KRT28: variants seen among roughly 807,000 people sequenced by gnomAD.
KRT28 encodes the protein keratin 28.
Under a neutral mutation model 48.1 loss-of-function variants are expected in KRT28, and 45 were observed. The observed-to-expected ratio is 0.94, with a 90% CI of 0.74 to 1.20. The LOEUF is 1.20. Ranked by LOEUF, KRT28 falls within the 50% of genes most tolerant of loss-of-function variation. The pLI, the probability that KRT28 is intolerant of heterozygous loss-of-function variation, is 0.00. For missense variants in KRT28, 571 were observed against 574.1 expected (o/e 0.99, Z 0.06); for synonymous variants, 228 against 227.4 (o/e 1.00, Z -0.03).
rs760904175 is a variant in KRT28, at chr17:40,799,625, A to T, written c.269T>A (p.Met90Lys). The change falls in exon 1 of 8, where the codon ATG becomes AAG. Residue 90 changes from methionine to lysine, a missense_variant. Physicochemically the swap from Met to Lys is moderately conservative, Grantham distance 95 (BLOSUM62 -1). Coordinates refer to ENST00000306658, the MANE Select transcript of KRT28 (RefSeq NM_181535.3). Reference protein sequence around the residue: ...GLLSGNEKVTMQNLNDRLASY... With the variant: ...GLLSGNEKVTKQNLNDRLASY... Reference sequence around the variant, plus strand: ...TGCCAAGCGGTCATTAAGATTTTGCATGGTCACCTTCTCATTTCCAGAGAG... The same window carrying T: ...TGCCAAGCGGTCATTAAGATTTTGCTTGGTCACCTTCTCATTTCCAGAGAG... 1 of 1,614,050 alleles carries T rather than the reference A, an allele frequency of 6.2e-7. No individual in the cohort carries two copies. Among genetic ancestry groups the T allele is most frequent in the Non-Finnish European group, 8.5e-7 (1 of 1,180,032 alleles).
chr17:40,798,251 T>C lies in KRT28; in HGVS notation c.674A>G (p.Lys225Arg). 1 of 1,605,598 alleles carries C rather than the reference T, an allele frequency of 6.2e-7. No homozygotes were observed. Among genetic ancestry groups the C allele is most frequent in the Non-Finnish European group, 8.5e-7 (1 of 1,172,728 alleles). ...ESLSEEMTYL[K>R]KNHEEEMKAL... is the part of the protein sequence containing the mutation. ...TTCTCCTACCTCTTCGTGGTTCTTT[T>C]TGAGATATGTCATCTCCTCACTCAG... The change falls in exon 3 of 8, where the codon AAA becomes AGA. Residue 225 changes from lysine (K) to arginine (R), a missense_variant. Coordinates refer to ENST00000306658, the MANE Select transcript of KRT28 (RefSeq NM_181535.3).
intron 3 of KRT28, among the ~76,000 whole-genome samples, 160 bp from the exon 4 acceptor site, chr17:40,797,441 A>G (rs1426978255): frequency 1.3e-5 from 2 of 152,166 alleles, no homozygotes; most frequent in Non-Finnish European, 2.9e-5. Flanking sequence ...ATTCATGCCA[A>G]TCATCTATTT....
In KRT28 at chr17:40,798,260, G is replaced by A. The variant is rs190604020; in HGVS notation, c.665C>T (p.Thr222Ile). The A allele has an allele frequency of 1.1e-5, 18 of 1,609,604 alleles. No homozygotes were observed. In the African/African-American group the frequency reaches 1.6e-4, roughly 14 times the overall value. Residue 222 changes from threonine to isoleucine, a missense_variant, in exon 3 of 8, where the codon ACA (threonine) becomes ATA (isoleucine). Transcript: ENST00000306658. ...LQYESLSEEM[T>I]YLKKNHEEEM... ...CTCTTCGTGGTTCTTTTTGAGATAT[G>A]TCATCTCCTCACTCAGAGACTCATA...
intron 1 of KRT28, 103 bp downstream of exon 1, chr17:40,799,341 A>G: frequency 1.0e-6 from 1 of 956,310 alleles, no homozygotes; most frequent in South Asian, 1.8e-5. Flanking sequence ...AAATAAATAA[A>G]TACAAGTTAT....
rs764077710 is a variant in KRT28 at position 40,797,101 on chromosome 17, G to A, written c.852+19C>T. 4 of 1,612,962 alleles carry A rather than the reference G, an allele frequency of 2.5e-6. No individual in the cohort carries two copies. The highest frequency in any genetic ancestry group is 3.4e-6 in the Non-Finnish European group (4 of 1,179,246). Reference sequence around the variant, plus strand: ...CCACCCCCGGGGAGGTGTGAGCAGGGAGACGGGGCCCACCTCACCTTCTCA... The same window carrying A: ...CCACCCCCGGGGAGGTGTGAGCAGGAAGACGGGGCCCACCTCACCTTCTCA... On this transcript the variant is annotated intron_variant, in intron 4 of 7. Coordinates refer to ENST00000306658, the MANE Select transcript of KRT28 (RefSeq NM_181535.3).
intron 5 of KRT28, among the ~76,000 whole-genome samples, chr17:40,795,390 G>A (rs188090433): frequency 2.6e-5 from 4 of 152,280 alleles, no homozygotes; most frequent in Admixed American, 6.5e-5. Context: ...AGAGGACAGC[G>A]TCTCTACTTC....
intron 3 of KRT28, 144 bp from the exon 4 acceptor site, chr17:40,797,425 G>T: frequency 1.3e-6 from 1 of 763,446 alleles, no homozygotes; most frequent in Non-Finnish European, 2.1e-6. Flanking sequence ...GACATATTCG[G>T]TCCATATTCA....
chr17:40,793,988 GC>G lies in KRT28; in HGVS notation c.1036del (p.Ala346ArgfsTer48), dbSNP rs779864735. On this transcript the variant is annotated frameshift_variant, in exon 6 of 8. Transcript: ENST00000306658. LOFTEE classifies it high-confidence loss of function. Reference sequence around the variant, plus strand: ...GGCCCCGATCTGAGCCTGGATCTGCGCCAGCTGCGTACAGTAGTTGCTCTCG... The same window carrying G: ...GGCCCCGATCTGAGCCTGGATCTGCGCAGCTGCGTACAGTAGTTGCTCTCG... ...ETESNYCTQL[A>X]QIQAQIGALE... is the part of the protein sequence containing the mutation. The G allele has an allele frequency of 6.2e-7, 1 of 1,613,912 alleles. No homozygotes were observed. The highest frequency in any genetic ancestry group is 8.5e-7 in the Non-Finnish European group (1 of 1,179,856).
chr17:40,797,300 G>A lies in KRT28; in HGVS notation c.691-19C>T, dbSNP rs775415234. On this transcript the variant is annotated intron_variant, in intron 3 of 7. Coordinates refer to ENST00000306658, the MANE Select transcript of KRT28 (RefSeq NM_181535.3). ...TCATCTCCTGGAGAGAAGCAAGAGT[G>A]TGGCTTTAGGGGCATTGCAGGTTCA... The A allele has an allele frequency of 4.4e-6, 7 of 1,608,164 alleles. No homozygotes were observed. The East Asian group carries it at 6.7e-5, about 15-fold the overall frequency.
rs751642142 is a variant in KRT28 at position 40,799,413 on chromosome 17, T to C, written c.450+31A>G. 7 of 1,521,984 alleles carry C rather than the reference T, an allele frequency of 4.6e-6. No homozygotes were observed. In the African/African-American group the frequency reaches 6.9e-5, roughly 15 times the overall value. 94.3% of individuals were successfully genotyped at this position (1,521,984 alleles called of 1,614,324 possible). On this transcript the variant is annotated intron_variant, in intron 1 of 7. Transcript: ENST00000306658. Reference sequence around the variant, plus strand: ...TTAGGTATTTCTTAGTTTTAAATACTTGGGTTAGTTCCAAATCTGTGATTT... The same window carrying C: ...TTAGGTATTTCTTAGTTTTAAATACCTGGGTTAGTTCCAAATCTGTGATTT...
At chr17:40,797,941 G>GA (rs1415431903) in intron 3 of KRT28, among the ~76,000 whole-genome samples, 1 of 152,136 alleles carries the variant, frequency 6.6e-6, no homozygotes, top group African/African-American at 2.4e-5. Flanking sequence ...TAGAACAGTA[G>GA]AAAAAATCCT....
At chr17:40,796,059 C>T (rs983480885) in intron 5 of KRT28, among the ~76,000 whole-genome samples, 1 of 152,150 alleles carries the variant, frequency 6.6e-6, no homozygotes, top group African/African-American at 2.4e-5. Context: ...CTTTAGAGGG[C>T]GGCTAAATCA....
Position 40,792,284 on chromosome 17 carries a change from T to C in KRT28, c.*143A>G, listed in dbSNP as rs1369412612. On this transcript the variant is annotated 3_prime_UTR_variant, in exon 8 of 8. Transcript: ENST00000306658. ...TTATTTATTGGAAACAAACACTCAATATCCTGTAAAACTAAGAAAACAGGT... is the reference window on the plus strand; with the variant it reads ...TTATTTATTGGAAACAAACACTCAACATCCTGTAAAACTAAGAAAACAGGT... 1 of 572,834 alleles carries C rather than the reference T, an allele frequency of 1.7e-6. No homozygotes were observed. The highest frequency in any genetic ancestry group is 2.8e-6 in the Non-Finnish European group (1 of 357,944). 35.5% of individuals were successfully genotyped at this position (572,834 alleles called of 1,614,324 possible).
At position 40,792,346 on chromosome 17, in the gene KRT28, T is replaced by G; in HGVS notation, c.*81A>C. 1 of 1,133,804 alleles carries G rather than the reference T, an allele frequency of 8.8e-7. No individual in the cohort carries two copies. Among genetic ancestry groups the G allele is most frequent in the Non-Finnish European group, 1.2e-6 (1 of 821,420 alleles). 70.2% of individuals were successfully genotyped at this position (1,133,804 alleles called of 1,614,324 possible). On this transcript the variant is annotated 3_prime_UTR_variant, in exon 8 of 8. Coordinates refer to ENST00000306658, the MANE Select transcript of KRT28 (RefSeq NM_181535.3). ...GTAATGTATCTTTAAAAGTAAAAAGTGTGTATATTCTCTCTGATATTTAGA... is the reference window on the plus strand; with the variant it reads ...GTAATGTATCTTTAAAAGTAAAAAGGGTGTATATTCTCTCTGATATTTAGA...
chr17:40,799,630 C>T lies in KRT28; in HGVS notation c.264G>A (p.Val88=). Residue 88 remains valine, a synonymous_variant, in exon 1 of 8, where the codon GTG becomes GTA. Coordinates refer to ENST00000306658, the MANE Select transcript of KRT28 (RefSeq NM_181535.3). The part of the protein sequence containing the change: ...EGGLLSGNEK[V]TMQNLNDRLA... ...AGCGGTCATTAAGATTTTGCATGGT[C>T]ACCTTCTCATTTCCAGAGAGGAGTC... 6.2e-7 allele frequency: 1 copy of T among 1,614,200 alleles called. No homozygotes were observed. The highest frequency in any genetic ancestry group is 8.5e-7 in the Non-Finnish European group (1 of 1,180,024).
In KRT28 at chr17:40,792,497, C is replaced by A. The variant is rs1239966801; in HGVS notation, c.1325G>T (p.Arg442Met). ...TGTCTTTTCTTCAATGGAGTGAATC[C>A]TTGATGAAAGAACTTTACCACGTTG... ...LDQRGKVLSS[R>M]IHSIEEKTSK... Residue 442 changes from arginine to methionine, a missense_variant, in exon 8 of 8, where the codon AGG becomes ATG. Arg to Met is a moderately conservative substitution (Grantham distance 91). Coordinates refer to ENST00000306658, the MANE Select transcript of KRT28 (RefSeq NM_181535.3). 1 of 1,612,928 alleles carries A rather than the reference C, an allele frequency of 6.2e-7. No homozygotes were observed. The highest frequency in any genetic ancestry group is 8.5e-7 in the Non-Finnish European group (1 of 1,179,218).
Position 40,799,906 on chromosome 17 carries a change from A to G in KRT28, c.-13T>C. On this transcript the variant is annotated 5_prime_UTR_variant, in exon 1 of 8. Transcript: ENST00000306658. ...ATTGGAGAGACATGGTGTTTTGAGA[A>G]ATGTTCACCTTGTCTATGCAAAACT... The G allele has an allele frequency of 1.9e-6, 3 of 1,589,106 alleles. No homozygotes were observed. Among genetic ancestry groups the G allele is most frequent in the Non-Finnish European group, 1.7e-6 (2 of 1,163,718 alleles).
chr17:40,792,604 C>A, intron 7 of KRT28, 35 bp from the exon 8 acceptor site: 3 of 1,521,062 alleles, frequency 2.0e-6, no homozygotes, highest in Admixed American at 1.9e-5. Context: ...TATATTCAAC[C>A]AAAAAGATTA....
At position 40,799,428 on chromosome 17, in the gene KRT28, A is replaced by G. The variant is rs375820756; in HGVS notation, c.450+16T>C. 1.9e-5 allele frequency: 30 copies of G among 1,579,220 alleles called. No individual in the cohort carries two copies. The highest frequency in any genetic ancestry group is 3.5e-5 in the Admixed American group (2 of 56,958). On this transcript the variant is annotated intron_variant, in intron 1 of 7. Transcript: ENST00000306658. ...TTTTAAATACTTGGGTTAGTTCCAA[A>G]TCTGTGATTTCTCACCTTATTCTTA...
Sources: allele counts gnomAD v4.1 joint callset (sites outside exome capture counted in the v4.1 genomes callset), GRCh38; gene constraint gnomAD v4.1.1; transcripts MANE v1.5; gene names NCBI Gene and HGNC (gene_info 2026-07-23, HGNC 2026-07-21).